The following FAT2 variants were observed in gnomAD, a reference collection of about 807,000 sequenced individuals.
The protein encoded by FAT2 is protocadherin Fat 2.
FAT2 carries 150 observed loss-of-function variants against 295.3 expected under a neutral mutation model. That is an observed-to-expected ratio of 0.51 (90% confidence interval 0.44 to 0.58). The LOEUF (loss-of-function observed/expected upper bound fraction) is 0.58, where lower values mean the gene tolerates loss of function less well. FAT2 is among the 20% of genes least tolerant of loss of function. The pLI, the probability that FAT2 is intolerant of heterozygous loss-of-function variation, is 0.00. For missense variants in FAT2, 4,868 were observed against 5,442.7 expected (o/e 0.89, Z 3.32); for synonymous variants, 2,026 against 2,150.3 (o/e 0.94, Z 1.60).
intron 1 of FAT2, among the ~76,000 whole-genome samples, chr5:151,589,772 TTGTC>T (rs1189693933): frequency 6.6e-6 from 1 of 152,108 alleles, no homozygotes; most frequent in Non-Finnish European, 1.5e-5. Flanking sequence ...GTGGTGGTGT[TTGTC>T]TGTGGTCCTA....
At position 151,534,481 on chromosome 5, in the gene FAT2, C is replaced by T. The variant is rs2127594243; in HGVS notation, c.9355G>A (p.Ala3119Thr). Residue 3119 changes from alanine to threonine, a missense_variant, in exon 13 of 24, where the codon GCT (alanine) becomes ACT (threonine). Physicochemically the swap from Ala to Thr is moderately conservative, Grantham distance 58 (BLOSUM62 0). Around this residue, in one of 5 missense-constraint regions of FAT2, gnomAD observed 1,046 missense variants for 1,210.1 expected, o/e 0.86. Transcript: ENST00000261800. ...GTGGTGTTGTCGAAGACAGCCACAG[C>T]ACAGTGGCTGGGGAAGAACCGCGGG... Reference protein sequence around the residue: ...NAPRFFPSHCAVAVFDNTTVK... With the variant: ...NAPRFFPSHCTVAVFDNTTVK... The T allele has an allele frequency of 6.2e-7, 1 of 1,614,098 alleles. No homozygotes were observed. Among genetic ancestry groups the T allele is most frequent in the South Asian group, 1.1e-5 (1 of 91,072 alleles).
rs2127611438 is a variant in FAT2 at position 151,545,141 on chromosome 5, G to C, written c.5986C>G (p.His1996Asp). ...ALVILGAQGN[H>D]LNDTLSYFLL... ...AAGTAGGAAAGGGTGTCATTCAAAT[G>C]ATTGCCCTGGGCACCAAGAATCACC... Residue 1996 changes from histidine (H) to aspartate (D), a missense_variant, in exon 10 of 24, where the codon CAT becomes GAT. By Grantham distance (81) the His-to-Asp change is moderately conservative (BLOSUM62 -1). Coordinates refer to ENST00000261800, the MANE Select transcript of FAT2 (RefSeq NM_001447.3). 2.5e-6 allele frequency: 4 copies of C among 1,614,186 alleles called. No homozygotes were observed. Among genetic ancestry groups the C allele is most frequent in the Non-Finnish European group, 3.4e-6 (4 of 1,180,024 alleles).
intron 4 of FAT2, 106 bp from the exon 5 acceptor site, chr5:151,554,779 G>T: frequency 2.2e-6 from 2 of 891,864 alleles, no homozygotes; most frequent in East Asian, 2.5e-5. Context: ...GTATGAGCTT[G>T]TACTTTTTAT....
Position 151,521,770 on chromosome 5 carries a change from G to T in FAT2, c.10823C>A (p.Thr3608Asn). 6.2e-7 allele frequency: 1 copy of T among 1,614,122 alleles called. No homozygotes were observed. The highest frequency in any genetic ancestry group is 1.1e-5 in the South Asian group (1 of 91,092). The change falls in exon 19 of 24, where the codon ACC (threonine) becomes AAC (asparagine). Residue 3608 changes from threonine to asparagine, a missense_variant. This residue lies in a region of FAT2 where 1,046 missense variants were observed against 1,210.1 expected (regional missense o/e 0.86). Coordinates refer to ENST00000261800, the MANE Select transcript of FAT2 (RefSeq NM_001447.3). ...ATGGACCCCAGCAGTCGTGGTGAAG[G>T]TCCCATCGCTGACCGTGACGTTGAA... The part of the protein sequence containing the change: ...YSFNVTVSDG[T>N]FTTTAGVHVY...
At chr5:151,560,877 T>A (rs1018686886) in intron 3 of FAT2, among the ~76,000 whole-genome samples, 1 of 152,226 alleles carries the variant, frequency 6.6e-6, no homozygotes, top group Admixed American at 6.5e-5. Context: ...ATTCATCCAT[T>A]TAGCAATTAT....
In FAT2 at chr5:151,508,534, AC is replaced by A. The variant is rs535123891; in HGVS notation, c.12060-924del. The stretch of plus-strand genomic sequence containing the variant: ...AGACCAGACTGGCCAGTATGGTGAA[AC>A]CCCGTATCTACTAAAAATACAAAAA... On this transcript the variant is annotated intron_variant, in intron 22 of 23. Transcript: ENST00000261800. 7.4e-4 allele frequency among the ~76,000 whole-genome samples: 112 copies of A among 152,188 alleles called. 1 individual carries two copies. Among genetic ancestry groups the A allele is most frequent in the Admixed American group, 1.4e-3 (22 of 15,292 alleles).
At chr5:151,552,868 G>A (rs1047873014) in intron 6 of FAT2, among the ~76,000 whole-genome samples, 2 of 152,216 alleles carry the variant, frequency 1.3e-5, no homozygotes, top group African/African-American at 2.4e-5. Flanking sequence ...GAAACACAAA[G>A]CATTTCTGCT....
chr5:151,515,309 G>T (rs1409417487), intron 20 of FAT2, among the ~76,000 whole-genome samples: 1 of 152,174 alleles, frequency 6.6e-6, no homozygotes, highest in Non-Finnish European at 1.5e-5. Context: ...ACCTGCTAAT[G>T]TTGGAGGGTC....
Position 151,553,339 on chromosome 5 carries a change from G to A in FAT2, c.3994C>T (p.Leu1332=), listed in dbSNP as rs1469952407. 2.5e-6 allele frequency: 4 copies of A among 1,614,266 alleles called. No homozygotes were observed. The highest frequency in any genetic ancestry group is 3.4e-6 in the Non-Finnish European group (4 of 1,180,050). The change falls in exon 6 of 24, where the codon CTA becomes TTA. Residue 1332 remains leucine, a synonymous_variant. Transcript: ENST00000261800. ...GGCCAAGGGATCCACTCAATGTGTA[G>A]CCGGACACTGGCTGAGAGTGGTGGC... is the stretch of plus-strand genomic sequence containing the variant. ...GQPPLSASVR[L]HIEWIPWPRP...
At position 151,558,411 on chromosome 5, in the gene FAT2, T is replaced by C. The variant is rs1757879146; in HGVS notation, c.3575-2009A>G. On this transcript the variant is annotated intron_variant, in intron 3 of 23. Transcript: ENST00000261800. ...CGGGCGGATCACCTGAGGTAAGGAG[T>C]TCGAGACCAGCCTGACCAATATGGT... Among the ~76,000 whole-genome samples, 3 of 151,814 alleles carry C rather than the reference T, an allele frequency of 2.0e-5. 1 individual carries two copies. Among genetic ancestry groups the C allele is most frequent in the Admixed American group, 2.0e-4 (3 of 15,244 alleles).
chr5:151,560,131 A>G (rs59016671), intron 3 of FAT2, among the ~76,000 whole-genome samples: 5 of 152,086 alleles, frequency 3.3e-5, no homozygotes, highest in South Asian at 2.1e-4. Context: ...AGTCACCACA[A>G]TCTAGGTCTT....
At chr5:151,520,135 C>T (rs1169820411) in intron 19 of FAT2, among the ~76,000 whole-genome samples, 2 of 152,206 alleles carry the variant, frequency 1.3e-5, no homozygotes, top group African/African-American at 2.4e-5. Flanking sequence ...ACAAAGTCCA[C>T]AAATCTTCTG....
At position 151,509,863 on chromosome 5, in the gene FAT2, A is replaced by G. The variant is rs59177298; in HGVS notation, c.12059+158T>C. 7.8e-3 allele frequency: 6,151 copies of G among 793,024 alleles called. 70 individuals are homozygous for G. The highest frequency in any genetic ancestry group is 0.04 in the African/African-American group (2,322 of 58,120). 49.1% of individuals were successfully genotyped at this position (793,024 alleles called of 1,614,324 possible). A position where few individuals can be genotyped will look rare whatever the true frequency, so the allele number is the denominator to read the frequency against. ...TCCATGAAACCGGTCCCTGGTGCCA[A>G]AAAGGTTGGGGACCACTGCCCTAAC... On this transcript the variant is annotated intron_variant, in intron 22 of 23. Transcript: ENST00000261800.
intron 12 of FAT2, among the ~76,000 whole-genome samples, chr5:151,536,100 A>G (rs1281552122): frequency 6.6e-6 from 1 of 152,192 alleles, no homozygotes; most frequent in African/African-American, 2.4e-5. Flanking sequence ...CAGATAGAAT[A>G]TATACCAAGA....
At chr5:151,529,503 G>T in intron 14 of FAT2, 111 bp from the exon 15 acceptor site, 1 of 816,350 alleles carries the variant, frequency 1.2e-6, no homozygotes, top group Non-Finnish European at 2.0e-6. Flanking sequence ...GCTAGGCAAG[G>T]TAAGTGTCCT....
chr5:151,557,059 C>T (rs1757760513), intron 3 of FAT2, among the ~76,000 whole-genome samples: 1 of 152,138 alleles, frequency 6.6e-6, no homozygotes. Context: ...CAGCAATCGG[C>T]CCACCACGAG....
chr5:151,565,922 C>G lies in FAT2; in HGVS notation c.3010G>C (p.Gly1004Arg), dbSNP rs3734055. ...GTCCTGCGGGCTAGGGGCCTCCCAC[C>G]ATCACTGGCCCACAGGCTCAGATTG... ...GYNLSLWASD[G>R]GRPLARRTLC... The change falls in exon 2 of 24, where the codon GGT becomes CGT. Residue 1004 changes from glycine to arginine, a missense_variant. Around this residue, in one of 5 missense-constraint regions of FAT2, gnomAD observed 3,297 missense variants for 3,669.4 expected, o/e 0.90. Transcript: ENST00000261800. 6.2e-7 allele frequency: 1 copy of G among 1,613,398 alleles called. No individual in the cohort carries two copies. Among genetic ancestry groups the G allele is most frequent in the African/African-American group, 1.3e-5 (1 of 74,824 alleles).
rs1413811188 is a variant in FAT2, at chr5:151,540,806, A to G, written c.8843-43T>C. ...AGCTTTCAGAAGCCAAGCAATAGGA[A>G]TGAACTAGGCTTTGTGTCACAGGTG... is the stretch of plus-strand genomic sequence containing the variant. On this transcript the variant is annotated intron_variant, in intron 10 of 23. Transcript: ENST00000261800. The G allele has an allele frequency of 1.9e-6, 3 of 1,563,648 alleles. No homozygotes were observed. The African/African-American group carries it at 4.1e-5, about 21-fold the overall frequency.
intron 9 of FAT2, among the ~76,000 whole-genome samples, chr5:151,548,332 G>A (rs926359650): frequency 6.6e-6 from 1 of 151,430 alleles, no homozygotes; most frequent in Non-Finnish European, 1.5e-5. Flanking sequence ...CATTAATTAT[G>A]TATTATAATT....
Sources: gnomAD v4.1 joint callset for allele counts (sites outside exome capture counted in the v4.1 genomes callset) on GRCh38, gnomAD v4.1.1 for gene constraint, gnomAD v4.1.1 regional missense constraint, MANE v1.5 for transcripts, NCBI Gene and HGNC (gene_info 2026-07-23, HGNC 2026-07-21) for gene names.